The following COL16A1 variants were observed in gnomAD, a reference collection of about 807,000 sequenced individuals.
The protein encoded by COL16A1 is collagen alpha-1(XVI) chain.
A neutral mutation model predicts 266.3 loss-of-function variants in COL16A1; 189 were observed. The observed-to-expected ratio is 0.71, with a 90% CI of 0.63 to 0.80. The LOEUF is 0.80. COL16A1 is among the 30% of genes least tolerant of loss of function. COL16A1 has a pLI of 0.00. For synonymous variants in COL16A1, 740 were observed against 782.3 expected (o/e 0.95, Z 0.90); for missense variants, 1,928 against 2,122.4 (o/e 0.91, Z 1.80).
Position 31,683,782 on chromosome 1 carries a change from G to T in COL16A1, c.2338-34C>A, listed in dbSNP as rs758535855. 8 of 1,613,872 alleles carry T rather than the reference G, an allele frequency of 5.0e-6. No homozygotes were observed. The East Asian group carries it at 1.6e-4, about 31-fold the overall frequency. On this transcript the variant is annotated intron_variant, in intron 33 of 70. Coordinates refer to ENST00000373672, the MANE Select transcript of COL16A1 (RefSeq NM_001856.4). Reference sequence around the variant, plus strand: ...GCAGAAGGACAGTCCCTGGCTCGAGGTTCCCCAGTCACCCTTTCCCCTTCT... The same window carrying T: ...GCAGAAGGACAGTCCCTGGCTCGAGTTTCCCCAGTCACCCTTTCCCCTTCT...
At position 31,663,994 on chromosome 1, in the gene COL16A1, C is replaced by T. The variant is rs1641909306; in HGVS notation, c.3555+1178G>A. On this transcript the variant is annotated intron_variant, in intron 56 of 70. Coordinates refer to ENST00000373672, the MANE Select transcript of COL16A1 (RefSeq NM_001856.4). This position sits in a 1 kb window ranked among gnomAD's most constrained non-coding sequence, Gnocchi z 4.9. ...GCAAAGGGGAAAATGAACTCGGGGG[C>T]TCTGTAATGCCACCAGCCACCAGGA... Among the ~76,000 whole-genome samples the T allele has an allele frequency of 6.6e-6, 1 of 152,110 alleles. No homozygotes were observed. The highest frequency in any genetic ancestry group is 2.4e-5 in the African/African-American group (1 of 41,402).
At chr1:31,684,388 C>A in intron 31 of COL16A1, 135 bp downstream of exon 31, 1 of 1,486,996 alleles carries the variant, frequency 6.7e-7, no homozygotes, top group Admixed American at 2.4e-5. Flanking sequence ...AGGAGAAGCC[C>A]CGAGGAGCCT....
chr1:31,694,762 G>C (rs1644421065), intron 11 of COL16A1, among the ~76,000 whole-genome samples: 2 of 152,198 alleles, frequency 1.3e-5, no homozygotes, highest in Non-Finnish European at 2.9e-5. Flanking sequence ...CAGCTAGAAA[G>C]AGACAGCAGG....
chr1:31,701,430 G>A (rs1644720438), intron 2 of COL16A1: 1 of 985,268 alleles, frequency 1.0e-6, no homozygotes, highest in Non-Finnish European at 1.2e-6. Context: ...TGGTTTTTCT[G>A]CTTTTCCTAG....
chr1:31,695,905 G>A, intron 9 of COL16A1, 118 bp from the exon 10 acceptor site: 3 of 1,029,168 alleles, frequency 2.9e-6, no homozygotes, highest in Non-Finnish European at 4.5e-6. Flanking sequence ...GCCAGGCACT[G>A]CGTCTGTCTC....
chr1:31,673,173 G>A (rs1235611232), intron 44 of COL16A1: 1 of 389,352 alleles, frequency 2.6e-6, no homozygotes, highest in Non-Finnish European at 4.9e-6. Context: ...CCCACTGCGA[G>A]GACAAGCCAC....
chr1:31,703,116 C>T (rs1644778278), intron 1 of COL16A1, among the ~76,000 whole-genome samples: 1 of 152,148 alleles, frequency 6.6e-6, no homozygotes, highest in Non-Finnish European at 1.5e-5. Context: ...AAGCTATCTG[C>T]ACACAGGCAT....
In COL16A1 at chr1:31,684,126, C is replaced by T. The variant is rs1401802236; in HGVS notation, c.2266G>A (p.Gly756Ser). ...PKGEQGPEGV[G>S]RPGKPGQPGL... is the part of the protein sequence containing the mutation. Reference sequence around the variant, plus strand: ...CAACTCACGGGTTTACCAGGTCGGCCCACGCCTTCGGGGCCCTGCTCTCCT... The same window carrying T: ...CAACTCACGGGTTTACCAGGTCGGCTCACGCCTTCGGGGCCCTGCTCTCCT... The change falls in exon 32 of 71, where the codon GGC becomes AGC. Residue 756 changes from glycine to serine, a missense_variant. By Grantham distance (56) the Gly-to-Ser change is moderately conservative. This residue lies in a region of COL16A1 where 1,552 missense variants were observed against 1,637.2 expected (regional missense o/e 0.95). Transcript: ENST00000373672. The T allele has an allele frequency of 6.4e-7, 1 of 1,570,694 alleles. No individual in the cohort carries two copies.
chr1:31,691,899 C>A, intron 17 of COL16A1, 106 bp downstream of exon 17: 1 of 1,561,668 alleles, frequency 6.4e-7, no homozygotes, highest in Non-Finnish European at 8.8e-7. Flanking sequence ...AGCCCCTCCC[C>A]ACCCTGTCTG....
chr1:31,672,541 G>A (rs199883423), intron 46 of COL16A1, 39 bp from the exon 47 acceptor site: 7 of 1,613,586 alleles, frequency 4.3e-6, no homozygotes, highest in Non-Finnish European at 5.9e-6. Context: ...AGCAGTCAGG[G>A]CCTGTCCCTG....
In COL16A1 at chr1:31,675,320, A is replaced by G; in HGVS notation, c.2773-9T>C. On this transcript the variant is annotated splice_polypyrimidine_tract_variant and intron_variant, in intron 42 of 70. Coordinates refer to ENST00000373672, the MANE Select transcript of COL16A1 (RefSeq NM_001856.4). ...TTGTTTCCAGGCACTCCCTGTAGCC[A>G]AGAAGAGACACGAGTGAGTGGGCTC... The G allele has an allele frequency of 6.2e-7, 1 of 1,613,468 alleles. No individual in the cohort carries two copies. Among genetic ancestry groups the G allele is most frequent in the South Asian group, 1.1e-5 (1 of 90,848 alleles).
At chr1:31,680,804 G>A in intron 39 of COL16A1, 101 bp downstream of exon 39, 12 of 1,595,020 alleles carry the variant, frequency 7.5e-6, no homozygotes, top group Non-Finnish European at 1.0e-5. Context: ...TGGTGGGAAG[G>A]CTGGAGGGGC....
In COL16A1 at chr1:31,699,490, G is replaced by GCA. The variant is rs1491240653; in HGVS notation, c.266+322_266+323insTG. On this transcript the variant is annotated intron_variant, in intron 4 of 70. Coordinates refer to ENST00000373672, the MANE Select transcript of COL16A1 (RefSeq NM_001856.4). Reference sequence around the variant, plus strand: ...CACATGGGTGCACACACACGCATGTGCGCACACACACACATGCACACACGC... The same window carrying GCA: ...CACATGGGTGCACACACACGCATGTGCACGCACACACACACATGCACACACGC... Among the ~76,000 whole-genome samples the GCA allele has an allele frequency of 4.1e-4, 62 of 151,968 alleles. 1 individual carries two copies. The highest frequency in any genetic ancestry group is 1.4e-3 in the African/African-American group (58 of 41,372).
In COL16A1 at chr1:31,682,926, A is replaced by G; in HGVS notation, c.2538+8T>C. The stretch of plus-strand genomic sequence containing the variant: ...ACACCACCAGCATGGAGCACAGAGA[A>G]GACTTACCGGAGGCCCAGAGACACT... On this transcript the variant is annotated splice_region_variant and intron_variant, in intron 37 of 70. Coordinates refer to ENST00000373672, the MANE Select transcript of COL16A1 (RefSeq NM_001856.4). 1 of 1,614,034 alleles carries G rather than the reference A, an allele frequency of 6.2e-7. No individual in the cohort carries two copies. Among genetic ancestry groups the G allele is most frequent in the South Asian group, 1.1e-5 (1 of 91,074 alleles).
chr1:31,658,618 A>C lies in COL16A1; in HGVS notation c.3931-41T>G, dbSNP rs530246679. On this transcript the variant is annotated intron_variant, in intron 63 of 70. Transcript: ENST00000373672. ...GGGGACAGTGAGAGGGGAGGAAAGC[A>C]GGCAAAGTGGACTCCCATATAGCCA... The C allele has an allele frequency of 9.3e-5, 142 of 1,530,212 alleles. 2 individuals carry two copies. The South Asian group carries it at 1.5e-3, about 16-fold the overall frequency. The allele number at this position is 1,530,212 out of a possible 1,614,324, so 94.8% of individuals were successfully genotyped here.
At chr1:31,674,983 C>T (rs1412061550) in intron 44 of COL16A1, 24 bp downstream of exon 44, 2 of 1,610,372 alleles carry the variant, frequency 1.2e-6, no homozygotes, top group Non-Finnish European at 8.5e-7. Context: ...CCAGCTCACA[C>T]TTCCCTCCTG....
intron 52 of COL16A1, among the ~76,000 whole-genome samples, 196 bp downstream of exon 52, chr1:31,667,379 C>G: frequency 6.6e-6 from 1 of 152,212 alleles, no homozygotes; most frequent in East Asian, 1.9e-4. Flanking sequence ...TCCTGGCACC[C>G]TCCCCTTGGC....
Position 31,685,209 on chromosome 1 carries a change from G to A in COL16A1, c.2017-353C>T, listed in dbSNP as rs1032524741. On this transcript the variant is annotated intron_variant, in intron 29 of 70. Coordinates refer to ENST00000373672, the MANE Select transcript of COL16A1 (RefSeq NM_001856.4). The surrounding 1 kb of genome is among the most constrained non-coding windows in gnomAD (Gnocchi z 4.0). ...AGTGTCCACTGTGGTAGTGCTGGCC[G>A]TTACTGTGAAAGCAGTAACAGTGAT... Among the ~76,000 whole-genome samples the A allele has an allele frequency of 2.0e-5, 3 of 152,140 alleles. No homozygotes were observed. The highest frequency in any genetic ancestry group is 4.4e-5 in the Non-Finnish European group (3 of 68,014).
In COL16A1 at chr1:31,695,178, T is replaced by A; in HGVS notation, c.981+8A>T. ...CCGCTCCACCCTGCACACCCTCCAT[T>A]CACTCACATTGCTGTCCCGGGCACC... On this transcript the variant is annotated splice_region_variant and intron_variant, in intron 11 of 70. Transcript: ENST00000373672. 1 of 1,613,692 alleles carries A rather than the reference T, an allele frequency of 6.2e-7. No individual in the cohort carries two copies. The highest frequency in any genetic ancestry group is 8.5e-7 in the Non-Finnish European group (1 of 1,179,920).
Sources: gnomAD v4.1 joint callset for allele counts (sites outside exome capture counted in the v4.1 genomes callset) on GRCh38, gnomAD v4.1.1 for gene constraint, gnomAD v4.1.1 regional missense constraint, Gnocchi (gnomAD v3.1) non-coding constraint, MANE v1.5 for transcripts, NCBI Gene and HGNC (gene_info 2026-07-23, HGNC 2026-07-21) for gene names.